Variants in SCN9A observed in about 807,000 individuals in gnomAD.
SCN9A encodes sodium channel protein type 9 subunit alpha.
A neutral mutation model predicts 187.0 loss-of-function variants in SCN9A; 131 were observed. The observed-to-expected ratio is 0.70, with a 90% CI of 0.61 to 0.81. The LOEUF is 0.81. Ranked by LOEUF, SCN9A falls within the 30% of genes least tolerant of loss-of-function variation. The probability of loss-of-function intolerance (pLI) is 0.00; values close to 1 mark genes in which losing one functional copy is unlikely to be tolerated. For missense variants in SCN9A, 2,252 were observed against 2,396.6 expected, an observed-to-expected ratio of 0.94 and a Z score of 1.26; for synonymous variants, 809 against 808.6, an observed-to-expected ratio of 1.00 and a Z score of -0.01.
intron 17 of SCN9A, among the ~76,000 whole-genome samples, chr2:166,268,761 T>A (rs999510965): frequency 2.6e-5 from 4 of 151,914 alleles, no homozygotes; most frequent in African/African-American, 9.7e-5. Flanking sequence ...ATTTCTCAAT[T>A]CTTATATTTT....
intron 2 of SCN9A, among the ~76,000 whole-genome samples, chr2:166,310,688 G>A (rs1698913068): frequency 1.5e-5 from 2 of 136,102 alleles, no homozygotes; most frequent in Non-Finnish European, 3.1e-5. Context: ...AGTCAGTGTG[G>A]CGATTCCTCA....
At position 166,233,553 on chromosome 2, in the gene SCN9A, A is replaced by C. The variant is rs187218096; in HGVS notation, c.3802-91T>G. ...TTCTGAAACTCACTAAAAGCAACTC[A>C]ACAGGAACAATAAGATGGTATATAC... On this transcript the variant is annotated intron_variant, in intron 20 of 26. Coordinates refer to ENST00000642356, the MANE Select transcript of SCN9A (RefSeq NM_001365536.1). 302 of 977,190 alleles carry C rather than the reference A, an allele frequency of 3.1e-4. No homozygotes were observed. The African/African-American group carries it at 3.9e-3, about 13-fold the overall frequency. 60.5% of individuals were successfully genotyped at this position (977,190 alleles called of 1,614,324 possible).
intron 24 of SCN9A, among the ~76,000 whole-genome samples, chr2:166,214,405 T>C (rs1694229952): frequency 6.6e-6 from 1 of 151,930 alleles, no homozygotes; most frequent in South Asian, 2.1e-4. Context: ...ACATAGCAAA[T>C]GAAGAATAAA....
At chr2:166,315,282 G>T (rs1338909363) in intron 1 of SCN9A, among the ~76,000 whole-genome samples, 1 of 152,110 alleles carries the variant, frequency 6.6e-6, no homozygotes, top group Non-Finnish European at 1.5e-5. Flanking sequence ...TCTCTTTCAA[G>T]AATTATTTGA....
intron 1 of SCN9A, among the ~76,000 whole-genome samples, chr2:166,336,892 C>T (rs1699642090): frequency 6.6e-6 from 1 of 151,978 alleles, no homozygotes; most frequent in Non-Finnish European, 1.5e-5. Context: ...AAAATATTGA[C>T]TGATTATTTT....
At chr2:166,214,460 T>C (rs1277724888) in intron 24 of SCN9A, among the ~76,000 whole-genome samples, 1 of 151,792 alleles carries the variant, frequency 6.6e-6, no homozygotes, top group Non-Finnish European at 1.5e-5. Context: ...CCACGCCTTC[T>C]TCCCTGGCTT....
intron 1 of SCN9A, among the ~76,000 whole-genome samples, chr2:166,343,660 A>G (rs1217968532): frequency 1.3e-5 from 2 of 152,090 alleles, no homozygotes; most frequent in Non-Finnish European, 2.9e-5. Flanking sequence ...GCACTTTGGG[A>G]GGCCGAGGGG....
intron 24 of SCN9A, 30 bp from the exon 25 acceptor site, chr2:166,204,494 T>G (rs1693702880): frequency 7.1e-7 from 1 of 1,401,114 alleles, no homozygotes; most frequent in Non-Finnish European, 9.9e-7. Context: ...ATAAATGTAG[T>G]TAAAACCAGA....
chr2:166,347,673 C>T (rs957078795), intron 1 of SCN9A, among the ~76,000 whole-genome samples: 3 of 152,092 alleles, frequency 2.0e-5, no homozygotes, highest in African/African-American at 7.2e-5. Context: ...ATCATTTTTC[C>T]TGAGTAATAA....
chr2:166,350,003 AT>A (rs67175205), intron 1 of SCN9A, among the ~76,000 whole-genome samples: 1,658 of 25,448 alleles, frequency 0.065, 8 homozygotes, highest in African/African-American at 0.11. Flanking sequence ...AAAATAAAAA[AT>A]AAAATAAAAT....
chr2:166,352,103 A>T (rs887641416), intron 1 of SCN9A, among the ~76,000 whole-genome samples: 3 of 152,166 alleles, frequency 2.0e-5, no homozygotes, highest in African/African-American at 7.2e-5. Context: ...TAAACCCGTA[A>T]AATGGGGAGA....
intron 1 of SCN9A, among the ~76,000 whole-genome samples, chr2:166,358,691 G>A (rs758784984): frequency 4.1e-4 from 63 of 151,992 alleles, no homozygotes; most frequent in Non-Finnish European, 7.1e-4. Flanking sequence ...CCTTTCTCCA[G>A]TGGCTCCTGT....
At chr2:166,361,659 C>T (rs1477546775) in intron 1 of SCN9A, among the ~76,000 whole-genome samples, 2 of 151,868 alleles carry the variant, frequency 1.3e-5, no homozygotes, top group Non-Finnish European at 2.9e-5. Flanking sequence ...ATAAAATGAT[C>T]GAAAGTAAGA....
chr2:166,200,109 T>C (rs1169912535), intron 26 of SCN9A, among the ~76,000 whole-genome samples: 1 of 142,810 alleles, frequency 7.0e-6, no homozygotes, highest in South Asian at 2.4e-4. Context: ...GCCATTCTCC[T>C]GCCTCAGCCT....
intron 1 of SCN9A, among the ~76,000 whole-genome samples, chr2:166,328,475 G>A (rs530597787): frequency 2.0e-5 from 3 of 151,960 alleles, no homozygotes; most frequent in South Asian, 2.1e-4. Flanking sequence ...ACTTATAAGC[G>A]AGAACATGAT....
At chr2:166,226,742 A>T (rs773348137) in intron 23 of SCN9A, 38 bp from the exon 24 acceptor site, 1 of 1,457,378 alleles carries the variant, frequency 6.9e-7, no homozygotes, top group African/African-American at 1.4e-5. Flanking sequence ...TATGGACAGT[A>T]ACATTCATTA....
In SCN9A at chr2:166,199,887, G is replaced by T. The variant is rs777776112; in HGVS notation, c.4775-23C>A. 9.7e-6 allele frequency: 14 copies of T among 1,440,556 alleles called. No homozygotes were observed. In the East Asian group the frequency reaches 3.5e-4, roughly 36 times the overall value. The allele number at this position is 1,440,556 out of a possible 1,614,324, so 89.2% of individuals were successfully genotyped here. A position where few individuals can be genotyped will look rare whatever the true frequency, so the allele number is the denominator to read the frequency against. On this transcript the variant is annotated intron_variant, in intron 26 of 26. Transcript: ENST00000642356. ...TACCTGTATGTGGAGGAAAATAATA[G>T]AAATAAAATATTTAAAGATGTATGC...
intron 24 of SCN9A, among the ~76,000 whole-genome samples, chr2:166,206,659 T>C (rs371117810): frequency 2.1e-3 from 316 of 152,236 alleles, no homozygotes; most frequent in South Asian, 0.012. Flanking sequence ...ACTTAAAGTA[T>C]AATAATAAAA....
chr2:166,303,997 C>T (rs752669367), intron 6 of SCN9A: 2 of 1,589,432 alleles, frequency 1.3e-6, no homozygotes, highest in East Asian at 4.5e-5. Flanking sequence ...TTCAAAAGAT[C>T]AAAGTCAGCC....
Sources: gnomAD v4.1 joint callset for allele counts (sites outside exome capture counted in the v4.1 genomes callset) on GRCh38, gnomAD v4.1.1 for gene constraint, MANE v1.5 for transcripts, NCBI Gene and HGNC (gene_info 2026-07-23, HGNC 2026-07-21) for gene names.